Variants in TRUB1 observed in about 807,000 individuals in gnomAD.
TRUB1 encodes TruB pseudouridine synthase family member 1, also known as pseudouridylate synthase TRUB1.
TRUB1 carries 23 observed loss-of-function variants against 33.9 expected under a neutral mutation model. The observed-to-expected ratio is 0.68, with a 90% CI of 0.49 to 0.96. The LOEUF (loss-of-function observed/expected upper bound fraction) is 0.96, where lower values mean the gene tolerates loss of function less well. Among genes scored for constraint, TRUB1 ranks in the 40% least tolerant of loss-of-function variants. TRUB1 has a pLI of 0.00. For synonymous variants in TRUB1, 163 were observed against 165.4 expected (o/e 0.99, Z 0.11); for missense variants, 378 against 422.2 (o/e 0.90, Z 0.92).
intron 1 of TRUB1, among the ~76,000 whole-genome samples, chr10:114,941,921 A>C (rs2084188986): frequency 6.6e-6 from 1 of 152,042 alleles, no homozygotes; most frequent in Non-Finnish European, 1.5e-5. Flanking sequence ...AGTAGCTGGG[A>C]CTACAGGCAC....
At position 114,952,117 on chromosome 10, in the gene TRUB1, C is replaced by G. The variant is rs2084238293; in HGVS notation, c.441+968C>G. Among the ~76,000 whole-genome samples, 3 of 152,158 alleles carry G rather than the reference C, an allele frequency of 2.0e-5. No individual in the cohort carries two copies. In the South Asian group the frequency reaches 6.2e-4, roughly 32 times the overall value. On this transcript the variant is annotated intron_variant, in intron 3 of 7. Transcript: ENST00000298746. ...ATAGATAACTGGCCTGTGGAAAACA[C>G]TTGACGTAGTAGTGGTTTAAGTATT...
intron 4 of TRUB1, among the ~76,000 whole-genome samples, chr10:114,964,459 A>G (rs946721326): frequency 6.6e-6 from 1 of 152,072 alleles, no homozygotes; most frequent in Non-Finnish European, 1.5e-5. Context: ...TGTGTGTTGC[A>G]GATATTTTCT....
At chr10:114,955,987 A>C (rs1445203455) in intron 3 of TRUB1, among the ~76,000 whole-genome samples, 1 of 152,222 alleles carries the variant, frequency 6.6e-6, no homozygotes, top group Non-Finnish European at 1.5e-5. Flanking sequence ...GTGAAGGTTT[A>C]AATCACAAGC....
At chr10:114,949,690 A>G (rs1020069922) in intron 2 of TRUB1, among the ~76,000 whole-genome samples, 6 of 152,086 alleles carry the variant, frequency 3.9e-5, no homozygotes, top group Non-Finnish European at 8.8e-5. Context: ...TCAGGTTTGC[A>G]GGGATGTAGG....
At chr10:114,975,043 C>A in intron 7 of TRUB1, 80 bp from the exon 8 acceptor site, 1 of 1,468,922 alleles carries the variant, frequency 6.8e-7, no homozygotes. Flanking sequence ...CAATTGAGTA[C>A]GGTCATTTGA....
In TRUB1 at chr10:114,938,271, G is replaced by T. The variant is rs2084168468; in HGVS notation, c.18G>T (p.Ala6=). The T allele has an allele frequency of 2.5e-6, 4 of 1,614,192 alleles. No homozygotes were observed. In the East Asian group the frequency reaches 8.9e-5, roughly 36 times the overall value. MAASE[A]AVVSSPSLKT... ...ACAAAAGTATGGCCGCTTCTGAGGC[G>T]GCGGTGGTGTCTTCGCCGTCTTTGA... is the stretch of plus-strand genomic sequence containing the variant. Residue 6 remains alanine (A), a synonymous_variant, in exon 1 of 8, where the codon GCG becomes GCT. Coordinates refer to ENST00000298746, the MANE Select transcript of TRUB1 (RefSeq NM_139169.5).
rs1391925833 is a variant in TRUB1 at position 114,956,603 on chromosome 10, G to A, written c.442-3123G>A. On this transcript the variant is annotated intron_variant, in intron 3 of 7. Coordinates refer to ENST00000298746, the MANE Select transcript of TRUB1 (RefSeq NM_139169.5). The stretch of plus-strand genomic sequence containing the variant: ...GACAGCTGATTTCAATCATCGGTTC[G>A]CAGGGTGTGGTCTAAGGACTCCTGA... Among the ~76,000 whole-genome samples, 5 of 152,080 alleles carry A rather than the reference G, an allele frequency of 3.3e-5. No individual in the cohort carries two copies. The East Asian group carries it at 9.6e-4, about 29-fold the overall frequency.
At chr10:114,968,748 A>AG (rs2084321882) in intron 4 of TRUB1, among the ~76,000 whole-genome samples, 2 of 152,202 alleles carry the variant, frequency 1.3e-5, no homozygotes, top group African/African-American at 4.8e-5. Flanking sequence ...TTAAGGGTCA[A>AG]GGTCATACTG....
At chr10:114,942,026 C>T (rs1440632176) in intron 1 of TRUB1, among the ~76,000 whole-genome samples, 3 of 152,094 alleles carry the variant, frequency 2.0e-5, no homozygotes, top group Admixed American at 6.5e-5. Flanking sequence ...CCTCGTGATC[C>T]GCCCGCTTCG....
chr10:114,948,412 T>A, intron 2 of TRUB1, among the ~76,000 whole-genome samples: 1 of 152,222 alleles, frequency 6.6e-6, no homozygotes, highest in African/African-American at 2.4e-5. Flanking sequence ...TTTGTTAATA[T>A]CTGTCTCCCT....
chr10:114,974,201 G>T (rs1039340726), intron 6 of TRUB1, 128 bp from the exon 7 acceptor site: 1 of 706,300 alleles, frequency 1.4e-6, no homozygotes, highest in Non-Finnish European at 2.5e-6. Context: ...TTATGTTTTA[G>T]TGCATAAATA....
At chr10:114,964,987 T>C (rs1393499376) in intron 4 of TRUB1, among the ~76,000 whole-genome samples, 2 of 150,500 alleles carry the variant, frequency 1.3e-5, no homozygotes, top group Non-Finnish European at 3.0e-5. Context: ...TGGAGTGCAG[T>C]AGCACAATCT....
chr10:114,966,645 G>A (rs1300523923), intron 4 of TRUB1, among the ~76,000 whole-genome samples: 2 of 151,936 alleles, frequency 1.3e-5, no homozygotes, highest in Non-Finnish European at 2.9e-5. Flanking sequence ...ATTTATTTAG[G>A]TCTTTTATAG....
At chr10:114,957,428 A>G (rs2084266275) in intron 3 of TRUB1, among the ~76,000 whole-genome samples, 1 of 152,216 alleles carries the variant, frequency 6.6e-6, no homozygotes, top group Non-Finnish European at 1.5e-5. Flanking sequence ...GTATCTGTGT[A>G]TCCTTCCCTA....
chr10:114,974,290 G>A (rs1392672004), intron 6 of TRUB1, 39 bp from the exon 7 acceptor site: 9 of 1,524,318 alleles, frequency 5.9e-6, no homozygotes, highest in Non-Finnish European at 8.2e-6. Flanking sequence ...GGATTTCATA[G>A]GAGGTTAGCA....
At chr10:114,970,841 G>C (rs989582430) in intron 5 of TRUB1, among the ~76,000 whole-genome samples, 5 of 152,204 alleles carry the variant, frequency 3.3e-5, no homozygotes, top group African/African-American at 1.2e-4. Flanking sequence ...GTCAGGTGCT[G>C]GGACCATTCC....
Position 114,938,245 on chromosome 10 carries a change from T to C in TRUB1, c.-9T>C, listed in dbSNP as rs576664891. The C allele has an allele frequency of 3.7e-6, 6 of 1,613,722 alleles. No homozygotes were observed. In the African/African-American group the frequency reaches 4.0e-5, roughly 11 times the overall value. On this transcript the variant is annotated 5_prime_UTR_variant, in exon 1 of 8. Coordinates refer to ENST00000298746, the MANE Select transcript of TRUB1 (RefSeq NM_139169.5). ...CCTCCACGATGAAACAGGTCTGGGC[T>C]ACAAAAGTATGGCCGCTTCTGAGGC...
intron 2 of TRUB1, among the ~76,000 whole-genome samples, chr10:114,944,653 C>T (rs932546124): frequency 6.6e-6 from 1 of 151,700 alleles, no homozygotes; most frequent in African/African-American, 2.4e-5. Flanking sequence ...GAGTGAAACT[C>T]TTGTCTCAGT....
At chr10:114,956,093 C>G (rs2084260576) in intron 3 of TRUB1, among the ~76,000 whole-genome samples, 1 of 152,136 alleles carries the variant, frequency 6.6e-6, no homozygotes, top group Admixed American at 6.6e-5. Context: ...AGAACAGAAG[C>G]TGATTTGCTG....
Sources: allele counts gnomAD v4.1 joint callset (sites outside exome capture counted in the v4.1 genomes callset), GRCh38; gene constraint gnomAD v4.1.1; transcripts MANE v1.5; gene names NCBI Gene and HGNC (gene_info 2026-07-23, HGNC 2026-07-21).